The following TDRD12 variants were observed in gnomAD, a reference collection of about 807,000 sequenced individuals.
TDRD12 encodes the protein tudor domain containing 12.
Under a neutral mutation model 133.5 loss-of-function variants are expected in TDRD12, and 158 were observed. That is an observed-to-expected ratio of 1.18 (90% CI 1.04 to 1.35). The LOEUF is 1.35. TDRD12 is among the 40% of genes most tolerant of loss of function. The probability of loss-of-function intolerance (pLI) is 0.00; values close to 1 mark genes in which losing one functional copy is unlikely to be tolerated. For synonymous variants in TDRD12, 460 were observed against 477.9 expected (o/e 0.96, Z 0.49); for missense variants, 1,443 against 1,321.3 (o/e 1.09, Z -1.43).
At chr19:32,827,372 C>CTTTTCTTTTATTTT in exon 10 of TDRD12, 3 of 120,310 alleles carry the variant, frequency 2.5e-5, no homozygotes, top group Non-Finnish European at 4.0e-5. Context: ...CTTTTCTTTT[C>CTTTTCTTTTATTTT]TTTTTTTTTT....
chr19:32,790,664 C>T (rs1206773555), intron 12 of TDRD12, 73 bp downstream of exon 12: 20 of 1,551,486 alleles, frequency 1.3e-5, no homozygotes, highest in Admixed American at 2.0e-5. Context: ...CTTCTCCTTC[C>T]TCCCTCCAGA....
intron 27 of TDRD12, among the ~76,000 whole-genome samples, chr19:32,820,535 C>A (rs535338569): frequency 6.6e-6 from 1 of 152,240 alleles, no homozygotes; most frequent in East Asian, 1.9e-4. Flanking sequence ...TATGGGGCAG[C>A]ACGTTGAATT....
Position 32,802,536 on chromosome 19 carries a change from T to C in TDRD12, c.2198-120T>C, listed in dbSNP as rs1294836483. On this transcript the variant is annotated intron_variant, in intron 19 of 27. Transcript: ENST00000444215. ...GAAAAAAATGGGGAAGAAGTTTCTT[T>C]GCATCCAAAAAAGTAAAATGTGATA... 2.6e-6 allele frequency: 3 copies of C among 1,174,528 alleles called. No homozygotes were observed. The East Asian group carries it at 7.9e-5, about 31-fold the overall frequency. 72.8% of individuals were successfully genotyped at this position (1,174,528 alleles called of 1,614,324 possible).
intron 1 of TDRD12, among the ~76,000 whole-genome samples, chr19:32,722,297 A>G (rs1968708872): frequency 6.6e-6 from 1 of 152,140 alleles, no homozygotes; most frequent in Admixed American, 6.6e-5. Flanking sequence ...CTTTGATAGC[A>G]GGAGCTGGAC....
chr19:32,789,049 TG>T (rs1341413905), intron 11 of TDRD12, among the ~76,000 whole-genome samples: 1 of 152,164 alleles, frequency 6.6e-6, no homozygotes, highest in South Asian at 2.1e-4. Flanking sequence ...AATCAGCCCC[TG>T]GCCTTCCTCG....
downstream of TDRD12, chr19:32,829,580 A>G (rs1967691135): frequency 6.6e-6 from 1 of 152,182 alleles, no homozygotes; most frequent in Non-Finnish European, 1.5e-5. Flanking sequence ...TTTCACAGAA[A>G]TGTTGCTTTT....
chr19:32,810,209 T>A, exon 23 of TDRD12: 3 of 1,535,960 alleles, frequency 2.0e-6, no homozygotes, highest in Non-Finnish European at 2.6e-6. Context: ...AGGATTCTAA[T>A]AAAACAACTG....
At chr19:32,816,245 GT>G (rs1222615495) in intron 26 of TDRD12, among the ~76,000 whole-genome samples, 4 of 152,160 alleles carry the variant, frequency 2.6e-5, no homozygotes, top group Non-Finnish European at 5.9e-5. Flanking sequence ...GACGTGATGT[GT>G]TTCCTGAACA....
intron 6 of TDRD12, among the ~76,000 whole-genome samples, chr19:32,752,866 C>T (rs1467954680): frequency 2.0e-5 from 3 of 147,906 alleles, no homozygotes; most frequent in Non-Finnish European, 3.0e-5. Flanking sequence ...GATCTCGGCT[C>T]ACTGCAAGCT....
chr19:32,779,662 G>C (rs909627708), intron 11 of TDRD12, among the ~76,000 whole-genome samples: 7 of 152,184 alleles, frequency 4.6e-5, no homozygotes, highest in African/African-American at 1.7e-4. Flanking sequence ...GGATTGGGCT[G>C]AGATCGTGTT....
downstream of TDRD12, among the ~76,000 whole-genome samples, chr19:32,825,284 C>T (rs547970742): frequency 5.9e-5 from 9 of 152,292 alleles, no homozygotes; most frequent in South Asian, 2.1e-4. The surrounding 1 kb of genome is among the most constrained non-coding windows in gnomAD (Gnocchi z 4.1). Context: ...ATCTGTTTTC[C>T]GTCTCAGGCT....
chr19:32,805,180 A>G (rs1465748982), intron 21 of TDRD12, among the ~76,000 whole-genome samples: 1 of 106,128 alleles, frequency 9.4e-6, no homozygotes, highest in Non-Finnish European at 1.8e-5. Flanking sequence ...TATATATATA[A>G]CATATATAAT....
chr19:32,751,826 G>A (rs746323111), intron 6 of TDRD12, among the ~76,000 whole-genome samples: 1 of 152,052 alleles, frequency 6.6e-6, no homozygotes, highest in Non-Finnish European at 1.5e-5. Flanking sequence ...GGTATCACAG[G>A]TGTGAGCCAC....
At chr19:32,726,891 C>T (rs1298215708) in intron 1 of TDRD12, among the ~76,000 whole-genome samples, 1 of 152,158 alleles carries the variant, frequency 6.6e-6, no homozygotes, top group African/African-American at 2.4e-5. Context: ...AATAATGCTG[C>T]TATGAACACA....
chr19:32,751,949 C>T (rs1225018928), intron 6 of TDRD12, among the ~76,000 whole-genome samples: 1 of 152,174 alleles, frequency 6.6e-6, no homozygotes, highest in African/African-American at 2.4e-5. Flanking sequence ...TCTCAGCTCA[C>T]TGCAACCTCT....
chr19:32,821,137 C>A, exon 28 of TDRD12: 3 of 1,535,494 alleles, frequency 2.0e-6, no homozygotes, highest in Non-Finnish European at 2.6e-6. Context: ...AACCAGAAGC[C>A]TGGTGGGTAC....
chr19:32,742,727 G>A, intron 3 of TDRD12, 54 bp from the exon 4 acceptor site: 3 of 1,493,178 alleles, frequency 2.0e-6, no homozygotes, highest in Non-Finnish European at 2.7e-6. Flanking sequence ...CTTTAACGGA[G>A]TATGTTATAT....
intron 1 of TDRD12, among the ~76,000 whole-genome samples, chr19:32,728,615 G>A (rs1331110226): frequency 3.3e-5 from 5 of 149,966 alleles, no homozygotes; most frequent in East Asian, 1.9e-4. Flanking sequence ...CAATGTTAGC[G>A]AGTATACCCC....
Position 32,807,533 on chromosome 19 carries a change from G to T in TDRD12, c.2553-16G>T. Reference sequence around the variant, plus strand: ...TTATTACTTACTTATGATAAGTCTAGTCATTTCATTTTCAGAGACAAAAGG... The same window carrying T: ...TTATTACTTACTTATGATAAGTCTATTCATTTCATTTTCAGAGACAAAAGG... On this transcript the variant is annotated splice_polypyrimidine_tract_variant and intron_variant, in intron 21 of 27. Coordinates refer to ENST00000444215, the Ensembl canonical transcript of TDRD12. 6.7e-7 allele frequency: 1 copy of T among 1,481,542 alleles called. No homozygotes were observed. Among genetic ancestry groups the T allele is most frequent in the Non-Finnish European group, 9.0e-7 (1 of 1,117,132 alleles). The allele number at this position is 1,481,542 out of a possible 1,614,324, so 91.8% of individuals were successfully genotyped here. A position where few individuals can be genotyped will look rare whatever the true frequency, so the allele number is the denominator to read the frequency against.
Sources: allele counts gnomAD v4.1 joint callset (sites outside exome capture counted in the v4.1 genomes callset), GRCh38; gene constraint gnomAD v4.1.1; non-coding constraint Gnocchi (gnomAD v3.1); transcripts MANE v1.5; gene names NCBI Gene and HGNC (gene_info 2026-07-23, HGNC 2026-07-21).